The following CNTNAP5 variants were observed in gnomAD, a reference collection of about 807,000 sequenced individuals.
CNTNAP5 encodes contactin-associated protein-like 5.
A neutral mutation model predicts 150.2 loss-of-function variants in CNTNAP5; 72 were observed. That is an observed-to-expected ratio of 0.48 (90% CI 0.40 to 0.58). The LOEUF is 0.58. Among genes scored for constraint, CNTNAP5 ranks in the 20% least tolerant of loss-of-function variants. CNTNAP5 has a pLI of 0.00. For missense variants in CNTNAP5, 1,636 were observed against 1,626.2 expected (o/e 1.01, Z -0.10); for synonymous variants, 672 against 619.8 (o/e 1.08, Z -1.25).
intron 3 of CNTNAP5, among the ~76,000 whole-genome samples, chr2:124,359,545 C>T (rs1172308497): frequency 2.0e-4 from 30 of 147,552 alleles, no homozygotes; most frequent in African/African-American, 6.6e-4. Flanking sequence ...TTTATTTCTG[C>T]CTTCATTTCG....
At chr2:124,663,491 T>C (rs1678635077) in intron 13 of CNTNAP5, among the ~76,000 whole-genome samples, 1 of 152,214 alleles carries the variant, frequency 6.6e-6, no homozygotes. Flanking sequence ...TGTAAAAATT[T>C]ATCTGTATAT....
chr2:124,395,720 T>A (rs1292784223), intron 3 of CNTNAP5, among the ~76,000 whole-genome samples: 1 of 152,142 alleles, frequency 6.6e-6, no homozygotes, highest in African/African-American at 2.4e-5. Flanking sequence ...TTAGAATAAT[T>A]CTGGCATAAA....
intron 12 of CNTNAP5, among the ~76,000 whole-genome samples, chr2:124,626,442 G>T (rs537493544): frequency 6.6e-6 from 1 of 152,084 alleles, no homozygotes; most frequent in Non-Finnish European, 1.5e-5. Context: ...AAGCAGAGTG[G>T]GTCATCATTT....
intron 13 of CNTNAP5, among the ~76,000 whole-genome samples, chr2:124,697,702 T>C (rs1679432508): frequency 6.6e-6 from 1 of 150,706 alleles, no homozygotes; most frequent in South Asian, 2.1e-4. Context: ...AGGAGTGCCC[T>C]CCGGAGTGCA....
At chr2:124,358,899 C>G (rs1468853381) in intron 3 of CNTNAP5, among the ~76,000 whole-genome samples, 1 of 148,974 alleles carries the variant, frequency 6.7e-6, no homozygotes, top group Non-Finnish European at 1.5e-5. Context: ...CTCCTTGTAC[C>G]TCTGGTAGAA....
chr2:124,341,336 C>T (rs2104692087), intron 3 of CNTNAP5, among the ~76,000 whole-genome samples: 1 of 152,182 alleles, frequency 6.6e-6, no homozygotes, highest in Non-Finnish European at 1.5e-5. Context: ...TACTAAGTCT[C>T]TTTCATTTTC....
At chr2:124,527,567 C>T in intron 10 of CNTNAP5, 111 bp downstream of exon 10, 4 of 805,284 alleles carry the variant, frequency 5.0e-6, no homozygotes, top group Non-Finnish European at 7.4e-6. Context: ...CCACATTAGA[C>T]ATAATTGAGT....
chr2:124,421,625 CT>C lies in CNTNAP5; in HGVS notation c.529+4039del, dbSNP rs745512641. 3.9e-5 allele frequency among the ~76,000 whole-genome samples: 6 copies of C among 152,292 alleles called. No homozygotes were observed. In the East Asian group the frequency reaches 7.7e-4, roughly 20 times the overall value. ...CACACTACACTCACCCCAAAACCAT[CT>C]TTTACACGGTCACCAAAATGTTCTT... is the stretch of plus-strand genomic sequence containing the variant. On this transcript the variant is annotated intron_variant, in intron 4 of 23. Transcript: ENST00000682447.
intron 12 of CNTNAP5, among the ~76,000 whole-genome samples, chr2:124,627,350 C>T (rs1296103659): frequency 6.6e-6 from 1 of 152,130 alleles, no homozygotes; most frequent in African/African-American, 2.4e-5. Flanking sequence ...GTCAGTGTCC[C>T]TCTAGGATGA....
chr2:124,511,024 C>T (rs1694576305), intron 8 of CNTNAP5, among the ~76,000 whole-genome samples: 2 of 152,174 alleles, frequency 1.3e-5, no homozygotes, highest in African/African-American at 4.8e-5. Context: ...CTCTCTCAAA[C>T]TCCATACCCT....
At chr2:124,841,062 G>A (rs532360466) in intron 19 of CNTNAP5, among the ~76,000 whole-genome samples, 2 of 152,206 alleles carry the variant, frequency 1.3e-5, no homozygotes, top group Non-Finnish European at 2.9e-5. Flanking sequence ...ATGCAGTGTG[G>A]CTCAGCTTCC....
At chr2:124,544,628 T>A (rs1396689107) in intron 10 of CNTNAP5, among the ~76,000 whole-genome samples, 2 of 152,216 alleles carry the variant, frequency 1.3e-5, no homozygotes, top group African/African-American at 4.8e-5. Context: ...ATCTTGTTAC[T>A]ATTGGTAATA....
chr2:124,250,375 A>G (rs548025230), intron 3 of CNTNAP5, among the ~76,000 whole-genome samples: 101 of 152,304 alleles, frequency 6.6e-4, no homozygotes, highest in African/African-American at 2.1e-3. Context: ...GGATCTTTAC[A>G]TAGCATTATC....
intron 3 of CNTNAP5, among the ~76,000 whole-genome samples, chr2:124,340,837 G>A (rs551520477): frequency 2.1e-4 from 31 of 147,704 alleles, no homozygotes; most frequent in South Asian, 1.3e-3. Context: ...ATGCGTGTGC[G>A]TGTGTATATA....
chr2:124,080,822 G>T (rs1024258359), intron 1 of CNTNAP5, among the ~76,000 whole-genome samples: 5 of 152,058 alleles, frequency 3.3e-5, no homozygotes, highest in African/African-American at 9.7e-5. Flanking sequence ...GCCTCTTCAA[G>T]AACAACCTTA....
intron 1 of CNTNAP5, among the ~76,000 whole-genome samples, chr2:124,131,285 C>T (rs1042409666): frequency 1.3e-5 from 2 of 152,140 alleles, no homozygotes; most frequent in Non-Finnish European, 2.9e-5. Context: ...ACCATGCCCT[C>T]GTTAAGATCA....
intron 3 of CNTNAP5, among the ~76,000 whole-genome samples, chr2:124,362,440 G>A (rs1376466472): frequency 6.6e-6 from 1 of 152,100 alleles, no homozygotes; most frequent in African/African-American, 2.4e-5. Flanking sequence ...TCACTGTCTA[G>A]CATCTTATCA....
At chr2:124,379,988 A>G (rs1432124297) in intron 3 of CNTNAP5, among the ~76,000 whole-genome samples, 1 of 152,056 alleles carries the variant, frequency 6.6e-6, no homozygotes, top group African/African-American at 2.4e-5. Context: ...CTGGATTACC[A>G]TGTTTGTTTA....
At chr2:124,704,743 G>A (rs7608753) in intron 13 of CNTNAP5, among the ~76,000 whole-genome samples, 149,843 of 152,176 alleles carry the variant, frequency 0.98, 73,808 homozygotes, top group Middle Eastern at 1. Flanking sequence ...GACATCATCC[G>A]GCTGCCAGTC....
Sources: gnomAD v4.1 joint callset for allele counts (sites outside exome capture counted in the v4.1 genomes callset) on GRCh38, gnomAD v4.1.1 for gene constraint, MANE v1.5 for transcripts, NCBI Gene and HGNC (gene_info 2026-07-23, HGNC 2026-07-21) for gene names.